EML5: variants seen among roughly 807,000 people sequenced by gnomAD.
EML5 encodes the protein EMAP like 5, also known as echinoderm microtubule-associated protein-like 5.
A neutral mutation model predicts 250.0 loss-of-function variants in EML5; 120 were observed. The observed-to-expected ratio is 0.48, with a 90% CI of 0.41 to 0.56. The LOEUF (loss-of-function observed/expected upper bound fraction) is 0.56, where lower values mean the gene tolerates loss of function less well. EML5 is among the 20% of genes least tolerant of loss of function. The pLI, the probability that EML5 is intolerant of heterozygous loss-of-function variation, is 0.00. For missense variants in EML5, 2,006 were observed against 2,437.6 expected (o/e 0.82, Z 3.73); for synonymous variants, 771 against 806.5 (o/e 0.96, Z 0.75).
At position 88,774,201 on chromosome 14, in the gene EML5, T is replaced by C. The variant is rs1192599927; in HGVS notation, c.197+18106A>G. Among the ~76,000 whole-genome samples, 4 of 152,146 alleles carry C rather than the reference T, an allele frequency of 2.6e-5. No homozygotes were observed. In the South Asian group the frequency reaches 6.2e-4, roughly 24 times the overall value. ...GGGCTCTACACTTAGAGTTTCTAAT[T>C]TGGTAGATCTGGAATGAGCCCAGAT... On this transcript the variant is annotated intron_variant, in intron 1 of 43. Transcript: ENST00000554922.
intron 11 of EML5, 69 bp from the exon 12 acceptor site, chr14:88,705,657 T>C (rs1302459380): frequency 8.7e-7 from 1 of 1,149,892 alleles, no homozygotes; most frequent in Non-Finnish European, 1.3e-6. Flanking sequence ...ACTGAAAAAT[T>C]AATGATTAAG....
intron 3 of EML5, among the ~76,000 whole-genome samples, chr14:88,745,732 C>T (rs1476373862): frequency 6.6e-6 from 1 of 152,044 alleles, no homozygotes; most frequent in Admixed American, 6.6e-5. Context: ...ATGTGCATCC[C>T]TATGTATATC....
At chr14:88,651,826 T>C (rs1352300481) in intron 27 of EML5, among the ~76,000 whole-genome samples, 1 of 152,192 alleles carries the variant, frequency 6.6e-6, no homozygotes, top group Non-Finnish European at 1.5e-5. Context: ...AGGTATCTCC[T>C]CAGTTAACTT....
intron 17 of EML5, 137 bp from the exon 18 acceptor site, chr14:88,688,610 G>T (rs2092891327): frequency 9.4e-6 from 8 of 849,462 alleles, no homozygotes; most frequent in Non-Finnish European, 1.3e-5. Flanking sequence ...GAAAACTACA[G>T]GTGTCTCAAT....
At chr14:88,718,154 T>A (rs2093531848) in intron 8 of EML5, among the ~76,000 whole-genome samples, 1 of 152,014 alleles carries the variant, frequency 6.6e-6, no homozygotes, top group African/African-American at 2.4e-5. Flanking sequence ...GATGATCAGT[T>A]TGGGAGGGAT....
chr14:88,650,667 C>T (rs1418575067), intron 27 of EML5, among the ~76,000 whole-genome samples: 1 of 152,050 alleles, frequency 6.6e-6, no homozygotes, highest in East Asian at 1.9e-4. Flanking sequence ...GAGACAGGAT[C>T]CCACTCTGCT....
chr14:88,729,245 A>G (rs2093715252), intron 7 of EML5, among the ~76,000 whole-genome samples: 1 of 152,184 alleles, frequency 6.6e-6, no homozygotes, highest in African/African-American at 2.4e-5. Context: ...ATAGCTGAAC[A>G]GAATGGTGAA....
intron 14 of EML5, among the ~76,000 whole-genome samples, chr14:88,702,232 T>G (rs1006177023): frequency 6.6e-6 from 1 of 152,056 alleles, no homozygotes; most frequent in African/African-American, 2.4e-5. Flanking sequence ...AGTTCCAAAT[T>G]TAAATTAAAA....
At chr14:88,646,992 A>G in intron 28 of EML5, 37 bp from the exon 29 acceptor site, 1 of 1,583,224 alleles carries the variant, frequency 6.3e-7, no homozygotes, top group Non-Finnish European at 8.5e-7. Context: ...AAAGATTACA[A>G]CATAAATTTG....
chr14:88,684,608 A>T (rs886434104), intron 20 of EML5, among the ~76,000 whole-genome samples: 3 of 151,940 alleles, frequency 2.0e-5, no homozygotes, highest in Non-Finnish European at 2.9e-5. Flanking sequence ...AGGCTCAACA[A>T]ATATACCTTA....
chr14:88,764,777 T>G (rs1388312638), intron 1 of EML5, among the ~76,000 whole-genome samples: 1 of 152,212 alleles, frequency 6.6e-6, no homozygotes, highest in African/African-American at 2.4e-5. Context: ...GTATTTTCAC[T>G]TTCTTCTTCT....
At chr14:88,717,338 C>T (rs554601791) in intron 8 of EML5, among the ~76,000 whole-genome samples, 5 of 152,314 alleles carry the variant, frequency 3.3e-5, no homozygotes, top group East Asian at 1.9e-4. Flanking sequence ...TTGGTGTGAA[C>T]TCAGTCTGCT....
chr14:88,630,856 G>A (rs188447604), intron 33 of EML5, among the ~76,000 whole-genome samples: 2 of 152,294 alleles, frequency 1.3e-5, no homozygotes, highest in South Asian at 2.1e-4. Flanking sequence ...CCTTATCGGT[G>A]AAGCCAACAC....
At chr14:88,719,963 T>C (rs981405350) in intron 8 of EML5, among the ~76,000 whole-genome samples, 4 of 152,026 alleles carry the variant, frequency 2.6e-5, no homozygotes, top group Admixed American at 6.6e-5. Context: ...GATATCACCA[T>C]TGACCCCACA....
intron 4 of EML5, among the ~76,000 whole-genome samples, chr14:88,741,534 AT>A (rs2093925601): frequency 6.6e-6 from 1 of 152,178 alleles, no homozygotes; most frequent in South Asian, 2.1e-4. Flanking sequence ...ACGGAGAGAA[AT>A]TTAAAGAAAA....
At chr14:88,667,559 T>C (rs1017875494) in intron 21 of EML5, among the ~76,000 whole-genome samples, 6 of 152,182 alleles carry the variant, frequency 3.9e-5, no homozygotes, top group African/African-American at 1.2e-4. Flanking sequence ...GGGAAGACTG[T>C]GCTGGTTATT....
At chr14:88,696,587 A>G (rs1039290815) in intron 15 of EML5, among the ~76,000 whole-genome samples, 2 of 152,188 alleles carry the variant, frequency 1.3e-5, no homozygotes, top group Admixed American at 6.5e-5. Context: ...TTAGGTTGTT[A>G]CGTAGATAAA....
chr14:88,634,512 A>G, intron 32 of EML5, 23 bp from the exon 33 acceptor site: 1 of 1,360,152 alleles, frequency 7.4e-7, no homozygotes, highest in Non-Finnish European at 9.9e-7. Context: ...ATAATTATCT[A>G]TAAATAACAT....
At position 88,765,439 on chromosome 14, in the gene EML5, T is replaced by C. The variant is rs556763787; in HGVS notation, c.198-10768A>G. On this transcript the variant is annotated intron_variant, in intron 1 of 43. Coordinates refer to ENST00000554922, the MANE Select transcript of EML5 (RefSeq NM_183387.3). Reference sequence around the variant, plus strand: ...CTGCATGCCTCATGATGTTACCACCTCCATCTTCCAATCAGCAACGGCACA... The same window carrying C: ...CTGCATGCCTCATGATGTTACCACCCCCATCTTCCAATCAGCAACGGCACA... Among the ~76,000 whole-genome samples the C allele has an allele frequency of 3.3e-5, 5 of 152,248 alleles. No homozygotes were observed. In the South Asian group the frequency reaches 1.0e-3, roughly 32 times the overall value.
Sources: gnomAD v4.1 joint callset for allele counts (sites outside exome capture counted in the v4.1 genomes callset) on GRCh38, gnomAD v4.1.1 for gene constraint, MANE v1.5 for transcripts, NCBI Gene and HGNC (gene_info 2026-07-23, HGNC 2026-07-21) for gene names.